The following STARD9 variants were observed in gnomAD, a reference collection of about 807,000 sequenced individuals.
The protein encoded by STARD9 is stAR-related lipid transfer protein 9.
A neutral mutation model predicts 399.8 loss-of-function variants in STARD9; 346 were observed. That is an observed-to-expected ratio of 0.87 (90% CI 0.79 to 0.95). The LOEUF is 0.95. STARD9 is among the 40% of genes least tolerant of loss of function. STARD9 has a pLI of 0.00. For missense variants in STARD9, 5,832 were observed against 5,667.5 expected, an observed-to-expected ratio of 1.03 and a Z score of -0.93; for synonymous variants, 2,203 against 2,143.5, an observed-to-expected ratio of 1.03 and a Z score of -0.77.
chr15:42,602,930 T>G (rs984165039), intron 3 of STARD9, among the ~76,000 whole-genome samples: 1 of 152,208 alleles, frequency 6.6e-6, no homozygotes, highest in Admixed American at 6.5e-5. Context: ...TTCTGGGAAG[T>G]TGGCGTGAGA....
intron 9 of STARD9, 88 bp from the exon 10 acceptor site, chr15:42,661,070 C>T (rs1302730375): frequency 6.0e-6 from 6 of 994,660 alleles, no homozygotes; most frequent in Non-Finnish European, 6.0e-6. Flanking sequence ...GGATAAAAAT[C>T]CAAAATATCA....
chr15:42,657,480 C>T (rs1473275447), intron 9 of STARD9, among the ~76,000 whole-genome samples: 3 of 151,996 alleles, frequency 2.0e-5, no homozygotes, highest in Non-Finnish European at 4.4e-5. Flanking sequence ...CCTGAACAAC[C>T]AAACCTCAAA....
intron 7 of STARD9, among the ~76,000 whole-genome samples, chr15:42,643,544 G>A (rs2059584018): frequency 6.6e-6 from 1 of 152,098 alleles, no homozygotes; most frequent in African/African-American, 2.4e-5. Context: ...CGCCCAGGCT[G>A]GAGTGGCACG....
At chr15:42,643,523 T>C (rs1041233609) in intron 7 of STARD9, among the ~76,000 whole-genome samples, 5 of 151,084 alleles carry the variant, frequency 3.3e-5, no homozygotes, top group African/African-American at 1.2e-4. Context: ...AAAAACAGAG[T>C]CTCGCTCTGT....
At chr15:42,678,773 G>A (rs1174473003) in intron 20 of STARD9, among the ~76,000 whole-genome samples, 1 of 152,208 alleles carries the variant, frequency 6.6e-6, no homozygotes, top group South Asian at 2.1e-4. Context: ...AAAGACAGAG[G>A]TCCCTTGGCT....
chr15:42,581,337 T>G (rs186316269), intron 1 of STARD9: 32 of 1,333,726 alleles, frequency 2.4e-5, no homozygotes, highest in Admixed American at 3.5e-5. Flanking sequence ...ATAAATGATT[T>G]GAGTTTCTCC....
chr15:42,669,030 T>C (rs2060156160), intron 15 of STARD9, 128 bp from the exon 16 acceptor site: 2 of 736,166 alleles, frequency 2.7e-6, no homozygotes, highest in Non-Finnish European at 4.0e-6. Flanking sequence ...CTGTGGGGCT[T>C]TGAATAGTAT....
rs1461756221 is a variant in STARD9 at position 42,684,565 on chromosome 15, T to G, written c.2987T>G (p.Leu996Arg). The change falls in exon 23 of 33, where the codon CTT becomes CGT. Residue 996 changes from leucine (L) to arginine (R), a missense_variant. By Grantham distance (102) the Leu-to-Arg change is moderately radical. Around this residue, in one of 2 missense-constraint regions of STARD9, gnomAD observed 5,828 missense variants for 5,651.1 expected, o/e 1.03. Coordinates refer to ENST00000290607, the MANE Select transcript of STARD9 (RefSeq NM_020759.3). Reference protein sequence around the residue: ...TQAGWRKEGNLGTHKAAKGAS... With the variant: ...TQAGWRKEGNRGTHKAAKGAS... ...GCTGGGTGGCGAAAAGAAGGGAACC[T>G]TGGGACCCACAAGGCTGCTAAGGGA... The G allele has an allele frequency of 1.1e-5, 17 of 1,537,226 alleles. No homozygotes were observed. Among genetic ancestry groups the G allele is most frequent in the Non-Finnish European group, 1.2e-5 (14 of 1,146,890 alleles).
intron 3 of STARD9, among the ~76,000 whole-genome samples, chr15:42,598,327 G>T (rs921721149): frequency 5.3e-5 from 8 of 151,830 alleles, no homozygotes; most frequent in Admixed American, 1.3e-4. Flanking sequence ...CACCGTGCCC[G>T]GCCCAGCCTA....
chr15:42,708,692 T>C (rs1483360496), intron 26 of STARD9, among the ~76,000 whole-genome samples: 1 of 152,064 alleles, frequency 6.6e-6, no homozygotes, highest in East Asian at 1.9e-4. Context: ...TTTTTTTTCA[T>C]GTAAGACAGG....
chr15:42,640,862 G>A (rs1157291261), intron 7 of STARD9, among the ~76,000 whole-genome samples: 2 of 151,132 alleles, frequency 1.3e-5, no homozygotes, highest in Non-Finnish European at 1.5e-5. Context: ...ATGTGTGGGA[G>A]GAGTAACCAT....
At chr15:42,608,742 A>T (rs1162065423) in intron 3 of STARD9, among the ~76,000 whole-genome samples, 2 of 152,242 alleles carry the variant, frequency 1.3e-5, no homozygotes, top group African/African-American at 4.8e-5. Flanking sequence ...AATCAAAAAT[A>T]TGAAAACGGT....
intron 9 of STARD9, among the ~76,000 whole-genome samples, chr15:42,654,040 G>A (rs1043533536): frequency 6.6e-6 from 1 of 152,122 alleles, no homozygotes; most frequent in Non-Finnish European, 1.5e-5. Flanking sequence ...GTAATCTGTA[G>A]AGCAAGTACT....
chr15:42,695,134 C>T lies in STARD9; in HGVS notation c.12963-6C>T, dbSNP rs1379824927. On this transcript the variant is annotated splice_region_variant and splice_polypyrimidine_tract_variant and intron_variant, in intron 24 of 32. Transcript: ENST00000290607. ...CATGTTCTTTCCACCCCGTGATCTT[C>T]CTCAGGAGCCCAGAGTCAGTGTCAA... 2 of 1,523,142 alleles carry T rather than the reference C, an allele frequency of 1.3e-6. No homozygotes were observed. The highest frequency in any genetic ancestry group is 2.7e-5 in the African/African-American group (2 of 72,816). 94.4% of individuals were successfully genotyped at this position (1,523,142 alleles called of 1,614,324 possible).
At chr15:42,582,097 C>T (rs1466374513) in intron 1 of STARD9, among the ~76,000 whole-genome samples, 1 of 152,174 alleles carries the variant, frequency 6.6e-6, no homozygotes, top group Non-Finnish European at 1.5e-5. Flanking sequence ...TATGATTGCA[C>T]CACTGCACCC....
chr15:42,581,112 C>A, intron 1 of STARD9: 3 of 705,794 alleles, frequency 4.3e-6, no homozygotes, highest in Non-Finnish European at 8.0e-6. Flanking sequence ...TTCTTCTAAT[C>A]CTTGCAGGAG....
intron 7 of STARD9, among the ~76,000 whole-genome samples, chr15:42,644,726 A>C (rs2059613846): frequency 6.6e-6 from 1 of 152,148 alleles, no homozygotes; most frequent in African/African-American, 2.4e-5. Flanking sequence ...CTTTCATGAA[A>C]AATTTTTCTG....
intron 7 of STARD9, among the ~76,000 whole-genome samples, chr15:42,644,357 G>T (rs569045022): frequency 7.3e-4 from 111 of 152,160 alleles, no homozygotes; most frequent in African/African-American, 2.6e-3. Context: ...GCCGGGTGTG[G>T]TGGCGGGCAC....
chr15:42,622,617 G>C (rs1167204378), intron 3 of STARD9, among the ~76,000 whole-genome samples: 1 of 152,188 alleles, frequency 6.6e-6, no homozygotes. Flanking sequence ...TTGTTTGACT[G>C]TCTCTGTGGT....
Sources: allele counts gnomAD v4.1 joint callset (sites outside exome capture counted in the v4.1 genomes callset), GRCh38; gene constraint gnomAD v4.1.1; regional missense constraint gnomAD v4.1.1; transcripts MANE v1.5; gene names NCBI Gene and HGNC (gene_info 2026-07-23, HGNC 2026-07-21).